The following GALNT13 variants were observed in gnomAD, a reference collection of about 807,000 sequenced individuals.
GALNT13 encodes the protein UDP-GalNAc:polypeptide N-acetylgalactosaminyltransferase 13.
In GALNT13, 28 loss-of-function variants were observed where a neutral mutation model predicts 64.2. That is an observed-to-expected ratio of 0.44 (90% CI 0.32 to 0.60). GALNT13 has a LOEUF of 0.60. Ranked by LOEUF, GALNT13 falls within the 20% of genes least tolerant of loss-of-function variation. The pLI is 0.05. For synonymous variants in GALNT13, 214 were observed against 224.6 expected, an observed-to-expected ratio of 0.95 and a Z score of 0.42; for missense variants, 577 against 669.8, an observed-to-expected ratio of 0.86 and a Z score of 1.53.
chr2:153,483,410 C>CTTTTTTTTTTTT, the GALNT13 span, among the ~76,000 whole-genome samples: 1 of 71,776 alleles, frequency 1.4e-5, no homozygotes, highest in Non-Finnish European at 2.6e-5. Flanking sequence ...GAATAAAATT[C>CTTTTTTTTTTTT]TTTTTTTTTT....
At chr2:154,036,065 G>A (rs1386600438) in intron 3 of GALNT13, among the ~76,000 whole-genome samples, 2 of 151,810 alleles carry the variant, frequency 1.3e-5, no homozygotes, top group Non-Finnish European at 2.9e-5. Flanking sequence ...TCTCCCCTTA[G>A]TATATATAAA....
At chr2:153,712,129 C>T in the GALNT13 span, among the ~76,000 whole-genome samples, 6 of 152,096 alleles carry the variant, frequency 3.9e-5, no homozygotes, top group East Asian at 9.6e-4. Context: ...GGTAACTAGT[C>T]ATAAAATTCC....
chr2:153,602,089 A>G, the GALNT13 span, among the ~76,000 whole-genome samples: 6 of 152,044 alleles, frequency 3.9e-5, no homozygotes, highest in Admixed American at 2.6e-4. Flanking sequence ...GCAAAGAGCA[A>G]ATGGGGATTT....
intron 3 of GALNT13, among the ~76,000 whole-genome samples, chr2:154,098,714 T>C (rs10804100): frequency 0.36 from 54,537 of 151,940 alleles, 10,183 homozygotes; most frequent in Non-Finnish European, 0.41. Context: ...CTTAGGATAA[T>C]GACTTTCATT....
intron 12 of GALNT13, chr2:154,446,904 C>T (rs956872256): frequency 1.2e-6 from 1 of 824,986 alleles, no homozygotes; most frequent in Admixed American, 3.3e-5. Flanking sequence ...CTGTCTTTTA[C>T]TTCCTAGCTA....
the GALNT13 span, among the ~76,000 whole-genome samples, chr2:153,646,926 G>T: frequency 6.6e-6 from 1 of 152,112 alleles, no homozygotes; most frequent in South Asian, 2.1e-4. Flanking sequence ...ATAAACATAC[G>T]TGTCCATGTG....
the GALNT13 span, among the ~76,000 whole-genome samples, chr2:153,687,147 C>T: frequency 3.3e-5 from 5 of 151,998 alleles, no homozygotes; most frequent in Admixed American, 1.3e-4. Context: ...TAGGATGATG[C>T]TGTTCTCATC....
At chr2:154,395,284 A>G (rs1699005252) in intron 9 of GALNT13, among the ~76,000 whole-genome samples, 1 of 152,176 alleles carries the variant, frequency 6.6e-6, no homozygotes, top group African/African-American at 2.4e-5. Flanking sequence ...TCAACTAGAA[A>G]ACATTCTTTT....
chr2:153,332,589 G>A, the GALNT13 span, among the ~76,000 whole-genome samples: 1 of 150,218 alleles, frequency 6.7e-6, no homozygotes, highest in South Asian at 2.1e-4. Context: ...GCAACAATTG[G>A]GAATGCTGAG....
chr2:153,750,709 C>T, the GALNT13 span, among the ~76,000 whole-genome samples: 1 of 151,616 alleles, frequency 6.6e-6, no homozygotes, highest in African/African-American at 2.4e-5. Flanking sequence ...TGGACCTTTT[C>T]TCATTTTTTC....
At chr2:154,094,789 C>G (rs1259546403) in intron 3 of GALNT13, among the ~76,000 whole-genome samples, 2 of 151,750 alleles carry the variant, frequency 1.3e-5, no homozygotes, top group African/African-American at 4.8e-5. Context: ...TCTTGCTTAC[C>G]TTCATCTTGA....
At chr2:154,131,082 G>T (rs1186541046) in intron 3 of GALNT13, among the ~76,000 whole-genome samples, 2 of 152,110 alleles carry the variant, frequency 1.3e-5, no homozygotes, top group South Asian at 2.1e-4. Flanking sequence ...CAAGATAAGG[G>T]CCTTTTAAAT....
At chr2:153,075,217 G>A in the GALNT13 span, among the ~76,000 whole-genome samples, 1 of 152,122 alleles carries the variant, frequency 6.6e-6, no homozygotes, top group African/African-American at 2.4e-5. Flanking sequence ...GTTTCTTTCA[G>A]TGGAAAATAG....
At chr2:154,299,452 A>G (rs961977637) in intron 8 of GALNT13, among the ~76,000 whole-genome samples, 5 of 148,500 alleles carry the variant, frequency 3.4e-5, no homozygotes, top group Admixed American at 2.1e-4. Flanking sequence ...AATCAATGAA[A>G]TACTTTTTTT....
chr2:153,494,810 A>G, the GALNT13 span, among the ~76,000 whole-genome samples: 1 of 152,096 alleles, frequency 6.6e-6, no homozygotes, highest in African/African-American at 2.4e-5. Flanking sequence ...GCAAAACAAA[A>G]GAAGTAAGCC....
At chr2:153,943,006 A>G (rs1006535644) in intron 2 of GALNT13, among the ~76,000 whole-genome samples, 9 of 152,198 alleles carry the variant, frequency 5.9e-5, no homozygotes, top group Admixed American at 5.2e-4. Context: ...TTCATCACTT[A>G]TCTTATTCAC....
chr2:153,433,559 A>C, the GALNT13 span, among the ~76,000 whole-genome samples: 1 of 152,298 alleles, frequency 6.6e-6, no homozygotes, highest in Non-Finnish European at 1.5e-5. Flanking sequence ...ACTTCTAAGT[A>C]AAGTTTCAGA....
At chr2:153,330,659 A>G in the GALNT13 span, among the ~76,000 whole-genome samples, 1 of 151,914 alleles carries the variant, frequency 6.6e-6, no homozygotes, top group African/African-American at 2.4e-5. Flanking sequence ...TTGTTTATCA[A>G]TCCCAAGAGC....
At chr2:153,526,817 T>C in the GALNT13 span, among the ~76,000 whole-genome samples, 1 of 152,204 alleles carries the variant, frequency 6.6e-6, no homozygotes, top group African/African-American at 2.4e-5. Context: ...GAATTCAGAA[T>C]TCTATCAGAT....
Sources: gnomAD v4.1 joint callset for allele counts (sites outside exome capture counted in the v4.1 genomes callset) on GRCh38, gnomAD v4.1.1 for gene constraint, MANE v1.5 for transcripts, NCBI Gene and HGNC (gene_info 2026-07-23, HGNC 2026-07-21) for gene names.